Variants in NUP107 observed in about 807,000 individuals in gnomAD.
NUP107 encodes nucleoporin 107.
Under a neutral mutation model 141.0 loss-of-function variants are expected in NUP107, and 101 were observed. That is an observed-to-expected ratio of 0.72 (90% confidence interval 0.61 to 0.84). The LOEUF is 0.84. Ranked by LOEUF, NUP107 falls within the 40% of genes least tolerant of loss-of-function variation. The probability of loss-of-function intolerance (pLI) is 0.00; values close to 1 mark genes in which losing one functional copy is unlikely to be tolerated. For missense variants in NUP107, 941 were observed against 1,102.7 expected (o/e 0.85, Z 2.08); for synonymous variants, 319 against 363.9 (o/e 0.88, Z 1.41).
intron 8 of NUP107, chr12:68,706,856 C>G: frequency 2.6e-6 from 2 of 757,410 alleles, no homozygotes; most frequent in Non-Finnish European, 4.8e-6. Context: ...CATGAGTATC[C>G]ATACGAAGAC....
In NUP107 at chr12:68,742,501, A is replaced by G. The variant is rs756106437; in HGVS notation, c.*39A>G. On this transcript the variant is annotated 3_prime_UTR_variant, in exon 28 of 28. Transcript: ENST00000229179. ...ATCTCACTAATTTTCATGATAAATG[A>G]AGTTTTTAATAAAATATACTTGTTA... The G allele has an allele frequency of 1.8e-6, 2 of 1,134,732 alleles. No individual in the cohort carries two copies. The highest frequency in any genetic ancestry group is 2.5e-6 in the Non-Finnish European group (2 of 786,620). The allele number at this position is 1,134,732 out of a possible 1,614,324, so 70.3% of individuals were successfully genotyped here.
At chr12:68,712,005 G>A (rs942730642) in intron 10 of NUP107, among the ~76,000 whole-genome samples, 1 of 152,082 alleles carries the variant, frequency 6.6e-6, no homozygotes, top group Admixed American at 6.6e-5. Context: ...AGCTACTTGT[G>A]TGGGTTTGTT....
At position 68,732,637 on chromosome 12, in the gene NUP107, G is replaced by A; in HGVS notation, c.1999G>A (p.Glu667Lys). Residue 667 changes from glutamate (E) to lysine (K), a missense_variant and splice_region_variant, in exon 23 of 28, where the codon GAG (glutamate) becomes AAG (lysine). Coordinates refer to ENST00000229179, the MANE Select transcript of NUP107 (RefSeq NM_020401.4). ...APALDTGTTE[E>K]DRLKIDVIDW... The stretch of plus-strand genomic sequence containing the variant: ...TCTTTTTTTCCCCTTTAATAAATAG[G>A]AGGATCGTTTAAAAATTGATGTAAT... 2 of 1,575,480 alleles carry A rather than the reference G, an allele frequency of 1.3e-6. No homozygotes were observed. Among genetic ancestry groups the A allele is most frequent in the Non-Finnish European group, 1.7e-6 (2 of 1,155,026 alleles).
At chr12:68,725,830 T>TGC in intron 18 of NUP107, 34 bp downstream of exon 18, 1 of 1,028,770 alleles carries the variant, frequency 9.7e-7, no homozygotes, top group Non-Finnish European at 1.4e-6. Context: ...TTGTGTTTTT[T>TGC]GTGTGTGTTT....
intron 17 of NUP107, among the ~76,000 whole-genome samples, chr12:68,725,160 A>G (rs1397105603): frequency 1.3e-5 from 2 of 152,256 alleles, no homozygotes; most frequent in African/African-American, 2.4e-5. Context: ...AAATTTAGAC[A>G]GCCAACTAAA....
Position 68,726,547 on chromosome 12 carries a change from T to C in NUP107, c.1625T>C (p.Leu542Pro), listed in dbSNP as rs745458107. The C allele has an allele frequency of 8.1e-6, 13 of 1,614,088 alleles. No homozygotes were observed. In the East Asian group the frequency reaches 2.7e-4, roughly 33 times the overall value. Residue 542 changes from leucine (L) to proline (P), a missense_variant, in exon 19 of 28, where the codon CTA becomes CCA. Leu to Pro is a moderately conservative substitution (Grantham distance 98). Coordinates refer to ENST00000229179, the MANE Select transcript of NUP107 (RefSeq NM_020401.4). ...SKWLSKSRNN[L>P]PGHLLRFMTH... ...TGGCTTTCCAAAAGCAGAAACAATC[T>C]ACCTGGACACCTGCTTCGCTTTATG...
intron 8 of NUP107, chr12:68,706,032 G>T (rs956629116): frequency 6.3e-5 from 53 of 835,348 alleles, no homozygotes; most frequent in Non-Finnish European, 1.0e-4. Context: ...AGACGGCTCA[G>T]AGCAACATGG....
intron 5 of NUP107, among the ~76,000 whole-genome samples, chr12:68,696,366 A>AT (rs879279488): frequency 1.1e-3 from 156 of 143,368 alleles, no homozygotes; most frequent in African/African-American, 2.2e-3. Context: ...CTCTGTCTCA[A>AT]TTTTTTTTTT....
In NUP107 at chr12:68,730,214, C is replaced by CTTT. The variant is rs756700880; in HGVS notation, c.1735-877_1735-875dup. Among the ~76,000 whole-genome samples, 16 of 85,378 alleles carry CTTT rather than the reference C, an allele frequency of 1.9e-4. 1 individual carries two copies. The highest frequency in any genetic ancestry group is 3.9e-4 in the South Asian group (1 of 2,582). The allele number at this position is 85,378 out of a possible 152,430, so 56.0% of individuals were successfully genotyped here. On this transcript the variant is annotated intron_variant, in intron 20 of 27. Transcript: ENST00000229179. ...CTCCTGCCCTCAGGGGTGATACTAC[C>CTTT]TTTTTTTTTTTTTTTTTTTTTGAGA... is the stretch of plus-strand genomic sequence containing the variant.
Position 68,702,776 on chromosome 12 carries a change from G to T in NUP107, c.721G>T (p.Ala241Ser). Residue 241 changes from alanine to serine, a missense_variant, in exon 8 of 28, where the codon GCA becomes TCA. Physicochemically the swap from Ala to Ser is moderately conservative, Grantham distance 99 (BLOSUM62 1). Coordinates refer to ENST00000229179, the MANE Select transcript of NUP107 (RefSeq NM_020401.4). ...TGCATTAGAAGAGGAAAGTGTATTC[G>T]CAGTTACTGTAAGTTTTATATTAAT... is the stretch of plus-strand genomic sequence containing the variant. Reference protein sequence around the residue: ...QSALEEESVFAVTAVNASEKT... With the variant: ...QSALEEESVFSVTAVNASEKT... The T allele has an allele frequency of 6.6e-7, 1 of 1,518,342 alleles. No homozygotes were observed. The highest frequency in any genetic ancestry group is 8.9e-7 in the Non-Finnish European group (1 of 1,119,802). The allele number at this position is 1,518,342 out of a possible 1,614,324, so 94.1% of individuals were successfully genotyped here.
chr12:68,719,502 C>T (rs1475289422), intron 13 of NUP107, 71 bp downstream of exon 13: 1 of 1,552,550 alleles, frequency 6.4e-7, no homozygotes, highest in Non-Finnish European at 8.9e-7. Context: ...TCTTTGTGAA[C>T]TATAGCTTCT....
Position 68,745,251 on chromosome 12 carries a change from CTCTT to C in NUP107, c.*2791_*2794del, listed in dbSNP as rs1878481222. 1 of 152,212 alleles carries C rather than the reference CTCTT, an allele frequency of 6.6e-6. No homozygotes were observed. The highest frequency in any genetic ancestry group is 1.5e-5 in the Non-Finnish European group (1 of 68,044). The allele number at this position is 152,212 out of a possible 1,614,324, so 9.4% of individuals were successfully genotyped here. A position where few individuals can be genotyped will look rare whatever the true frequency, so the allele number is the denominator to read the frequency against. On this transcript the variant is annotated 3_prime_UTR_variant, in exon 28 of 28. Coordinates refer to ENST00000229179, the MANE Select transcript of NUP107 (RefSeq NM_020401.4). ...TTTTAAATTTTTTGTACCACAGTCT[CTCTT>C]TTTAATTTTATGACTGCTGAATTAA...
intron 8 of NUP107, among the ~76,000 whole-genome samples, chr12:68,707,594 G>A (rs1876651890): frequency 6.6e-6 from 1 of 152,100 alleles, no homozygotes; most frequent in Non-Finnish European, 1.5e-5. Flanking sequence ...GCGAGACCCT[G>A]TCTCAAATAA....
intron 5 of NUP107, among the ~76,000 whole-genome samples, chr12:68,693,947 A>G (rs968675173): frequency 5.4e-4 from 82 of 152,172 alleles, no homozygotes; most frequent in African/African-American, 1.8e-3. Flanking sequence ...TGACCACTGT[A>G]CAAGCATTAA....
chr12:68,739,076 C>T (rs1056269037), intron 26 of NUP107, among the ~76,000 whole-genome samples: 4 of 152,086 alleles, frequency 2.6e-5, no homozygotes, highest in African/African-American at 9.7e-5. Flanking sequence ...AATGCTCCTT[C>T]GCCAAGATAG....
At chr12:68,706,063 A>G (rs1227875836) in intron 8 of NUP107, 2 of 793,538 alleles carry the variant, frequency 2.5e-6, no homozygotes, top group East Asian at 2.4e-5. Context: ...CGAGAGCTAC[A>G]TCAACAAACT....
At chr12:68,709,031 C>G (rs538875260) in intron 8 of NUP107, among the ~76,000 whole-genome samples, 1 of 152,288 alleles carries the variant, frequency 6.6e-6, no homozygotes, top group East Asian at 1.9e-4. Flanking sequence ...CAGGTAAGAG[C>G]AGCTACAATT....
At chr12:68,724,812 C>T (rs1877492276) in intron 17 of NUP107, among the ~76,000 whole-genome samples, 1 of 151,766 alleles carries the variant, frequency 6.6e-6, no homozygotes, top group South Asian at 2.1e-4. Flanking sequence ...AAAAACCACA[C>T]TGAAAGCAAA....
chr12:68,710,662 A>AAC (rs1166532175), intron 10 of NUP107, among the ~76,000 whole-genome samples: 15 of 151,676 alleles, frequency 9.9e-5, no homozygotes, highest in Non-Finnish European at 2.2e-4. Context: ...AAAAAAAAAA[A>AAC]AAAAAAACAG....
Sources: gnomAD v4.1 joint callset for allele counts (sites outside exome capture counted in the v4.1 genomes callset) on GRCh38, gnomAD v4.1.1 for gene constraint, MANE v1.5 for transcripts, NCBI Gene and HGNC (gene_info 2026-07-23, HGNC 2026-07-21) for gene names.